The following SEMA3A variants were observed in gnomAD, a reference collection of about 807,000 sequenced individuals.
SEMA3A encodes the protein semaphorin 3A.
In SEMA3A, 29 loss-of-function variants were observed where a neutral mutation model predicts 97.9. The observed-to-expected ratio is 0.30, with a 90% CI of 0.22 to 0.40. SEMA3A has a LOEUF of 0.40. Among genes scored for constraint, SEMA3A ranks in the 10% least tolerant of loss-of-function variants. SEMA3A has a pLI of 1.00. For synonymous variants in SEMA3A, 321 were observed against 323.7 expected (o/e 0.99, Z 0.09); for missense variants, 763 against 951.3 (o/e 0.80, Z 2.60).
chr7:84,273,911 T>C (rs1009109355), intron 3 of SEMA3A, among the ~76,000 whole-genome samples: 1 of 152,084 alleles, frequency 6.6e-6, no homozygotes, highest in Non-Finnish European at 1.5e-5. Flanking sequence ...TGTCTCATTA[T>C]GGGTCATTCA....
intron 3 of SEMA3A, among the ~76,000 whole-genome samples, chr7:84,297,274 G>A (rs554743198): frequency 6.6e-6 from 1 of 152,250 alleles, no homozygotes; most frequent in South Asian, 2.1e-4. Context: ...ACCGTGCCCA[G>A]CCGAGTTTTT....
chr7:84,389,754 A>G (rs1454067342), intron 1 of SEMA3A, among the ~76,000 whole-genome samples: 1 of 151,790 alleles, frequency 6.6e-6, no homozygotes, highest in Non-Finnish European at 1.5e-5. Context: ...TTTCACTTAT[A>G]TTCCAGCTGC....
At chr7:83,961,912 A>G in intron 16 of SEMA3A, 86 bp from the exon 17 acceptor site, 2 of 1,039,114 alleles carry the variant, frequency 1.9e-6, no homozygotes, top group Non-Finnish European at 2.8e-6. Context: ...AAAACTTTAG[A>G]TTATGTGTTG....
intron 6 of SEMA3A, among the ~76,000 whole-genome samples, chr7:84,031,876 A>T (rs1388454575): frequency 6.6e-6 from 1 of 152,144 alleles, no homozygotes; most frequent in Non-Finnish European, 1.5e-5. Flanking sequence ...CTAAAATATA[A>T]GCAGATATTA....
upstream of SEMA3A, among the ~76,000 whole-genome samples, chr7:84,198,359 C>A (rs1798286063): frequency 6.6e-6 from 1 of 151,896 alleles, no homozygotes; most frequent in African/African-American, 2.4e-5. Flanking sequence ...CCACAGCCAG[C>A]TAATTGTATT....
At chr7:84,485,267 A>G (rs375932500) in intron 1 of SEMA3A, among the ~76,000 whole-genome samples, 34 of 152,314 alleles carry the variant, frequency 2.2e-4, no homozygotes, top group African/African-American at 8.2e-4. Flanking sequence ...ATTGGATGTG[A>G]TAAAATATAC....
At chr7:84,452,421 C>G (rs1014654154) in intron 1 of SEMA3A, among the ~76,000 whole-genome samples, 1 of 151,972 alleles carries the variant, frequency 6.6e-6, no homozygotes, top group Non-Finnish European at 1.5e-5. Context: ...ACATGGCCAG[C>G]AAAACAGATA....
At chr7:84,411,778 G>C (rs1804276109) in intron 1 of SEMA3A, among the ~76,000 whole-genome samples, 1 of 151,978 alleles carries the variant, frequency 6.6e-6, no homozygotes, top group Non-Finnish European at 1.5e-5. Context: ...CAACAGTTTA[G>C]ATTCAGGTTT....
chr7:84,451,612 G>T (rs1226777821), intron 1 of SEMA3A, among the ~76,000 whole-genome samples: 1 of 152,124 alleles, frequency 6.6e-6, no homozygotes, highest in African/African-American at 2.4e-5. Flanking sequence ...AAGCTCTCTT[G>T]TTTATAAAGC....
intron 1 of SEMA3A, among the ~76,000 whole-genome samples, chr7:84,451,196 T>C (rs1181105839): frequency 6.6e-6 from 1 of 152,152 alleles, no homozygotes; most frequent in African/African-American, 2.4e-5. Flanking sequence ...TGATATAAGA[T>C]AGGTTCTATT....
intron 3 of SEMA3A, among the ~76,000 whole-genome samples, chr7:84,235,210 A>G (rs1244692993): frequency 6.6e-6 from 1 of 152,102 alleles, no homozygotes; most frequent in Non-Finnish European, 1.5e-5. Flanking sequence ...CTATGTAAGT[A>G]TAGTAGACTA....
At chr7:84,134,055 C>A (rs1354764516) in intron 2 of SEMA3A, among the ~76,000 whole-genome samples, 2 of 151,924 alleles carry the variant, frequency 1.3e-5, no homozygotes, top group Non-Finnish European at 2.9e-5. Context: ...AGCGAGACTC[C>A]ATCTCAAAAA....
At chr7:84,150,604 C>G (rs555110684) in intron 1 of SEMA3A, among the ~76,000 whole-genome samples, 22 of 152,232 alleles carry the variant, frequency 1.4e-4, no homozygotes, top group Middle Eastern at 6.8e-3. Context: ...TATGGAGTCT[C>G]GCTGATTGCT....
intron 4 of SEMA3A, among the ~76,000 whole-genome samples, chr7:84,102,823 C>G (rs548724075): frequency 2.6e-5 from 4 of 151,754 alleles, no homozygotes; most frequent in Non-Finnish European, 4.4e-5. Context: ...TCAAATGATC[C>G]GCCCACCTCA....
At chr7:84,028,132 A>G (rs1437342322) in intron 6 of SEMA3A, among the ~76,000 whole-genome samples, 1 of 152,184 alleles carries the variant, frequency 6.6e-6, no homozygotes, top group Non-Finnish European at 1.5e-5. Flanking sequence ...GGAGAGACAC[A>G]CGATACATTG....
At chr7:84,043,282 T>C (rs1211349364) in intron 6 of SEMA3A, among the ~76,000 whole-genome samples, 1 of 152,044 alleles carries the variant, frequency 6.6e-6, no homozygotes, top group Admixed American at 6.6e-5. Context: ...TTTAAACATT[T>C]ATTGGCATTA....
intron 6 of SEMA3A, among the ~76,000 whole-genome samples, chr7:84,030,987 GTTTTT>G (rs10615974): frequency 1.5e-3 from 138 of 95,000 alleles, no homozygotes; most frequent in South Asian, 9.7e-3. Context: ...TTTTGGTCAA[GTTTTT>G]TTTTTTTTTT....
intron 1 of SEMA3A, among the ~76,000 whole-genome samples, chr7:84,174,905 T>G (rs1562831684): frequency 6.6e-6 from 1 of 152,230 alleles, no homozygotes; most frequent in African/African-American, 2.4e-5. Flanking sequence ...TTTTCTAAAA[T>G]GTTTAGCATC....
chr7:84,278,656 G>A (rs150179096), intron 3 of SEMA3A, among the ~76,000 whole-genome samples: 118 of 152,214 alleles, frequency 7.8e-4, no homozygotes, highest in African/African-American at 2.6e-3. Context: ...AGCAAAGGAA[G>A]GGCAGGCAGA....
Sources: gnomAD v4.1 joint callset for allele counts (sites outside exome capture counted in the v4.1 genomes callset) on GRCh38, gnomAD v4.1.1 for gene constraint, MANE v1.5 for transcripts, NCBI Gene and HGNC (gene_info 2026-07-23, HGNC 2026-07-21) for gene names.